SFMBT2: variants seen among roughly 807,000 people sequenced by gnomAD.
The protein encoded by SFMBT2 is scm-like with four MBT domains protein 2.
In SFMBT2, 38 loss-of-function variants were observed where a neutral mutation model predicts 110.1. That is an observed-to-expected ratio of 0.35 (90% confidence interval 0.27 to 0.45). The LOEUF is 0.45. Ranked by LOEUF, SFMBT2 falls within the 20% of genes least tolerant of loss-of-function variation. The pLI is 1.00. For synonymous variants in SFMBT2, 425 were observed against 425.4 expected, an observed-to-expected ratio of 1.00 and a Z score of 0.01; for missense variants, 1,011 against 1,094.9, an observed-to-expected ratio of 0.92 and a Z score of 1.08.
chr10:7,207,920 T>G (rs1431020227), intron 11 of SFMBT2, among the ~76,000 whole-genome samples: 1 of 152,226 alleles, frequency 6.6e-6, no homozygotes, highest in African/African-American at 2.4e-5. Context: ...CTCAAATCAA[T>G]TATCACCACT....
chr10:7,331,333 C>T (rs531096696), intron 4 of SFMBT2, among the ~76,000 whole-genome samples: 1 of 152,198 alleles, frequency 6.6e-6, no homozygotes, highest in African/African-American at 2.4e-5. Context: ...TTCTCACTAT[C>T]CACTGGGACA....
intron 2 of SFMBT2, 44 bp from the exon 3 acceptor site, chr10:7,370,419 G>T: frequency 6.6e-7 from 1 of 1,516,834 alleles, no homozygotes; most frequent in Non-Finnish European, 9.1e-7. Flanking sequence ...TGGAGTGGAG[G>T]ACAGAAAGGT....
At chr10:7,348,421 T>C (rs1291470399) in intron 4 of SFMBT2, 6 of 1,087,918 alleles carry the variant, frequency 5.5e-6, no homozygotes, top group Non-Finnish European at 7.4e-6. Flanking sequence ...TCATAACTAC[T>C]GTGTAAATAT....
intron 7 of SFMBT2, among the ~76,000 whole-genome samples, chr10:7,272,469 G>C (rs1290194678): frequency 6.6e-6 from 1 of 152,172 alleles, no homozygotes. Flanking sequence ...TCCGAAACCG[G>C]GGGGTTGACA....
chr10:7,393,077 G>T (rs1845827427), intron 1 of SFMBT2, among the ~76,000 whole-genome samples: 1 of 139,538 alleles, frequency 7.2e-6, no homozygotes, highest in Non-Finnish European at 1.5e-5. Flanking sequence ...CCGTCGCCCA[G>T]GCTGGAATGC....
intron 7 of SFMBT2, 51 bp downstream of exon 7, chr10:7,276,841 T>G (rs7097601): frequency 2.4e-6 from 2 of 834,376 alleles, no homozygotes. Context: ...ACTTTGTAGA[T>G]GATTTTATTC....
chr10:7,258,173 T>C (rs1190374365), intron 7 of SFMBT2, among the ~76,000 whole-genome samples: 1 of 149,750 alleles, frequency 6.7e-6, no homozygotes, highest in Non-Finnish European at 1.5e-5. Flanking sequence ...GTTCAAGCAA[T>C]CCAACCGCCT....
chr10:7,173,445 C>T (rs983474434), intron 17 of SFMBT2, among the ~76,000 whole-genome samples: 1 of 152,216 alleles, frequency 6.6e-6, no homozygotes, highest in African/African-American at 2.4e-5. Context: ...ATCCTGAACA[C>T]GTGGGCCAAA....
At chr10:7,252,024 T>C (rs545477330) in intron 7 of SFMBT2, among the ~76,000 whole-genome samples, 4 of 152,358 alleles carry the variant, frequency 2.6e-5, no homozygotes, top group Admixed American at 1.3e-4. Context: ...CACAAAACGC[T>C]TGCTCCAACC....
intron 4 of SFMBT2, among the ~76,000 whole-genome samples, chr10:7,307,659 T>C (rs1842734492): frequency 6.6e-6 from 1 of 152,238 alleles, no homozygotes; most frequent in Non-Finnish European, 1.5e-5. Flanking sequence ...CTATATGCAC[T>C]GCCTGAAAAT....
At chr10:7,393,541 C>T (rs1414012313) in intron 1 of SFMBT2, among the ~76,000 whole-genome samples, 1 of 152,174 alleles carries the variant, frequency 6.6e-6, no homozygotes, top group Non-Finnish European at 1.5e-5. Flanking sequence ...AGGCATTCTA[C>T]TGTGAGCAGA....
chr10:7,334,411 G>A (rs1225617020), intron 4 of SFMBT2, among the ~76,000 whole-genome samples: 2 of 152,120 alleles, frequency 1.3e-5, no homozygotes, highest in African/African-American at 2.4e-5. Context: ...CACAGCTAAC[G>A]AAACCTCTTT....
intron 4 of SFMBT2, among the ~76,000 whole-genome samples, chr10:7,361,891 C>G (rs1844730716): frequency 6.6e-6 from 1 of 152,184 alleles, no homozygotes; most frequent in Non-Finnish European, 1.5e-5. Flanking sequence ...CAGGCACCGA[C>G]TAAATCTCCA....
chr10:7,206,695 T>G, intron 11 of SFMBT2: 1 of 775,638 alleles, frequency 1.3e-6, no homozygotes, highest in Non-Finnish European at 1.6e-6. Flanking sequence ...CATGAAACTC[T>G]GAAAAAGACA....
intron 2 of SFMBT2, among the ~76,000 whole-genome samples, chr10:7,378,177 TGTGAGTGTGG>T (rs2132074718): frequency 1.3e-5 from 1 of 77,116 alleles, no homozygotes; most frequent in Admixed American, 1.3e-4. Flanking sequence ...GATGGATGGG[TGTGAGTGTGG>T]GTGTGTGTGG....
rs192310502 is a variant in SFMBT2 at position 7,290,272 on chromosome 10, A to G, written c.437-4318T>C. Among the ~76,000 whole-genome samples the G allele has an allele frequency of 4.5e-3, 686 of 152,210 alleles. 4 individuals carry two copies. Among genetic ancestry groups the G allele is most frequent in the African/African-American group, 0.016 (647 of 41,534 alleles). ...AAAGTCATAAGAAACAAAAAAAAAA[A>G]AAAGAAAGAAACTTCTACCACATTC... On this transcript the variant is annotated intron_variant, in intron 4 of 20. Transcript: ENST00000397167.
At chr10:7,395,935 A>C (rs988910251) in intron 1 of SFMBT2, among the ~76,000 whole-genome samples, 2 of 152,124 alleles carry the variant, frequency 1.3e-5, no homozygotes, top group African/African-American at 4.8e-5. Context: ...GCAGAGTAGG[A>C]AATTAAAAGG....
chr10:7,402,339 A>G (rs1430641875), intron 1 of SFMBT2, among the ~76,000 whole-genome samples: 3 of 152,184 alleles, frequency 2.0e-5, no homozygotes, highest in Non-Finnish European at 4.4e-5. Flanking sequence ...TTTAAACTAT[A>G]CTTGTGCCTA....
intron 17 of SFMBT2, among the ~76,000 whole-genome samples, chr10:7,174,414 C>G (rs920095799): frequency 6.6e-6 from 1 of 152,176 alleles, no homozygotes; most frequent in African/African-American, 2.4e-5. Context: ...GTGTTTGGAG[C>G]CTTAGAACGA....
Sources: gnomAD v4.1 joint callset for allele counts (sites outside exome capture counted in the v4.1 genomes callset) on GRCh38, gnomAD v4.1.1 for gene constraint, MANE v1.5 for transcripts, NCBI Gene and HGNC (gene_info 2026-07-23, HGNC 2026-07-21) for gene names.